Variants in FGF14 observed in about 807,000 individuals in gnomAD.
FGF14 encodes the protein fibroblast growth factor homologous factor 4.
Under a neutral mutation model 25.5 loss-of-function variants are expected in FGF14, and 5 were observed. That is an observed-to-expected ratio of 0.20 (90% CI 0.10 to 0.41). The LOEUF is 0.41. Ranked by LOEUF, FGF14 falls within the 10% of genes least tolerant of loss-of-function variation. The probability of loss-of-function intolerance (pLI) is 1.00; values close to 1 mark genes in which losing one functional copy is unlikely to be tolerated. For missense variants in FGF14, 222 were observed against 320.1 expected (o/e 0.69, Z 2.34); for synonymous variants, 138 against 118.3 (o/e 1.17, Z -1.08).
At chr13:102,223,682 A>C (rs1385818929) in intron 1 of FGF14, among the ~76,000 whole-genome samples, 1 of 152,158 alleles carries the variant, frequency 6.6e-6, no homozygotes, top group African/African-American at 2.4e-5. Context: ...ATCTACTGTC[A>C]TAATTCACAT....
chr13:101,896,049 A>C, intron 1 of FGF14, among the ~76,000 whole-genome samples: 1 of 152,170 alleles, frequency 6.6e-6, no homozygotes, highest in East Asian at 1.9e-4. Context: ...ATACTGCACA[A>C]AGATATACCT....
In FGF14 at chr13:101,936,748, C is replaced by T. The variant is rs117246059; in HGVS notation, c.209-61452G>A. ...CACTATCTTCCCCACAATACTGAGC[C>T]CATGGCGTATATTGTCAATAATATG... On this transcript the variant is annotated intron_variant, in intron 1 of 4. Coordinates refer to the FGF14 transcript ENST00000376131. 3.2e-3 allele frequency among the ~76,000 whole-genome samples: 492 copies of T among 152,180 alleles called. 3 individuals are homozygous for T. Among genetic ancestry groups the T allele is most frequent in the Non-Finnish European group, 5.3e-3 (361 of 68,006 alleles).
At chr13:101,976,305 C>G (rs2037921916) in intron 1 of FGF14, among the ~76,000 whole-genome samples, 1 of 152,048 alleles carries the variant, frequency 6.6e-6, no homozygotes, top group South Asian at 2.1e-4. Context: ...ATAACAGTTA[C>G]ACTTATTAAT....
chr13:101,978,425 C>G (rs2038057489), intron 1 of FGF14, among the ~76,000 whole-genome samples: 4 of 151,688 alleles, frequency 2.6e-5, no homozygotes, highest in Admixed American at 2.6e-4. Flanking sequence ...CTGCATGGAG[C>G]CAGAAGGGTC....
At chr13:102,192,874 T>C (rs568218615) in intron 1 of FGF14, among the ~76,000 whole-genome samples, 1 of 152,294 alleles carries the variant, frequency 6.6e-6, no homozygotes, top group African/African-American at 2.4e-5. Flanking sequence ...TATTATATTA[T>C]TATATCTCTA....
chr13:101,883,803 C>G (rs4450265), intron 1 of FGF14, among the ~76,000 whole-genome samples: 1 of 151,938 alleles, frequency 6.6e-6, no homozygotes, highest in African/African-American at 2.4e-5. Context: ...TGGCTCACAC[C>G]TGTAATCCCA....
chr13:102,354,368 C>A (rs913490888), intron 1 of FGF14: 2 of 152,190 alleles, frequency 1.3e-5, no homozygotes, highest in Non-Finnish European at 2.9e-5. Flanking sequence ...TCCTCTACCC[C>A]CTCTCTCACA....
rs1210726307 is a variant in FGF14 at position 102,041,705 on chromosome 13, G to A, written c.209-166409C>T. Among the ~76,000 whole-genome samples, 4 of 152,042 alleles carry A rather than the reference G, an allele frequency of 2.6e-5. No homozygotes were observed. The East Asian group carries it at 5.8e-4, about 22-fold the overall frequency. On this transcript the variant is annotated intron_variant, in intron 1 of 4. Transcript: ENST00000376131. ...TCTGTGTGCAGAACTGTCTTTCACT[G>A]TAAAAGACATCTGGATGGGGGAAGG...
chr13:102,091,334 A>G, intron 1 of FGF14, among the ~76,000 whole-genome samples: 1 of 152,130 alleles, frequency 6.6e-6, no homozygotes, highest in East Asian at 1.9e-4. Flanking sequence ...AGGATCTGCC[A>G]CTAGGAGCAC....
chr13:102,024,965 A>C (rs2040850148), intron 1 of FGF14, among the ~76,000 whole-genome samples: 1 of 151,426 alleles, frequency 6.6e-6, no homozygotes. Flanking sequence ...ACATATGTAA[A>C]ATGGAATTTA....
chr13:101,949,280 TTC>T (rs1422756398), intron 1 of FGF14, among the ~76,000 whole-genome samples: 1 of 152,202 alleles, frequency 6.6e-6, no homozygotes, highest in Non-Finnish European at 1.5e-5. Context: ...TAACTCAAAA[TTC>T]TGTCCTACTT....
At chr13:102,019,087 A>G (rs999675709) in intron 1 of FGF14, among the ~76,000 whole-genome samples, 3 of 152,162 alleles carry the variant, frequency 2.0e-5, no homozygotes, top group Non-Finnish European at 2.9e-5. Flanking sequence ...CATCATGACA[A>G]TATGCTCAGC....
intron 1 of FGF14, among the ~76,000 whole-genome samples, chr13:101,991,795 AG>A (rs1189617302): frequency 6.6e-6 from 1 of 152,090 alleles, no homozygotes; most frequent in African/African-American, 2.4e-5. Context: ...ATCTGAGGAA[AG>A]GGGCTAGTCT....
In FGF14 at chr13:101,820,327, T is replaced by C. The variant is rs143908225; in HGVS notation, c.408+48398A>G. ...TCACCAATAGTGAACAGATTAGTCCTATATAATTTTAATAATTTTGCAATT... is the reference window on the plus strand; with the variant it reads ...TCACCAATAGTGAACAGATTAGTCCCATATAATTTTAATAATTTTGCAATT... On this transcript the variant is annotated intron_variant, in intron 3 of 4. Coordinates refer to ENST00000376143, the MANE Select transcript of FGF14 (RefSeq NM_004115.4). 3.2e-3 allele frequency among the ~76,000 whole-genome samples: 492 copies of C among 152,316 alleles called. 2 individuals are homozygous for C. The highest frequency in any genetic ancestry group is 0.011 in the African/African-American group (470 of 41,572).
chr13:102,380,003 G>A (rs2139167356), intron 1 of FGF14, among the ~76,000 whole-genome samples: 1 of 152,224 alleles, frequency 6.6e-6, no homozygotes, highest in Non-Finnish European at 1.5e-5. Context: ...TAGTGAGTGA[G>A]GCTCTGAGTT....
chr13:102,358,184 C>T (rs892759419), intron 1 of FGF14, among the ~76,000 whole-genome samples: 5 of 151,944 alleles, frequency 3.3e-5, no homozygotes, highest in Admixed American at 6.6e-5. Flanking sequence ...ATAATGATTG[C>T]ATATTAACAG....
At chr13:102,047,594 CCG>C in intron 1 of FGF14, among the ~76,000 whole-genome samples, 1 of 152,222 alleles carries the variant, frequency 6.6e-6, no homozygotes. Flanking sequence ...AAACCAAACA[CCG>C]CATATTCTCA....
intron 1 of FGF14, among the ~76,000 whole-genome samples, chr13:102,346,235 T>C (rs1327918322): frequency 6.6e-6 from 1 of 152,174 alleles, no homozygotes; most frequent in Non-Finnish European, 1.5e-5. Flanking sequence ...TTTAAAGACA[T>C]TGTAAATAGG....
At chr13:101,947,142 C>T (rs746563385) in intron 1 of FGF14, among the ~76,000 whole-genome samples, 6 of 152,216 alleles carry the variant, frequency 3.9e-5, no homozygotes, top group Non-Finnish European at 1.5e-5. Context: ...GAGATACCAT[C>T]TCACTCCAGT....
Sources: gnomAD v4.1 joint callset for allele counts (sites outside exome capture counted in the v4.1 genomes callset) on GRCh38, gnomAD v4.1.1 for gene constraint, MANE v1.5 for transcripts, NCBI Gene and HGNC (gene_info 2026-07-23, HGNC 2026-07-21) for gene names.